Variants in LAT2 observed in about 807,000 individuals in gnomAD.
LAT2 encodes linker for activation of T cells family member 2, also known as linker for activation of T-cells family member 2.
Under a neutral mutation model 43.4 loss-of-function variants are expected in LAT2, and 23 were observed. The observed-to-expected ratio is 0.53, with a 90% CI of 0.38 to 0.75. The LOEUF (loss-of-function observed/expected upper bound fraction) is 0.75, where lower values mean the gene tolerates loss of function less well. LAT2 is among the 30% of genes least tolerant of loss of function. LAT2 has a pLI of 0.00. For synonymous variants in LAT2, 128 were observed against 123.2 expected (o/e 1.04, Z -0.26); for missense variants, 284 against 310.2 (o/e 0.92, Z 0.64).
At chr7:74,211,624 AT>A (rs1286580683) in intron 1 of LAT2, among the ~76,000 whole-genome samples, 1 of 151,782 alleles carries the variant, frequency 6.6e-6, no homozygotes, top group East Asian at 1.9e-4. Context: ...CGACCGGCTA[AT>A]TTTTTGTATT....
rs11544216 is a variant in LAT2, at chr7:74,219,746, G to C, written c.137G>C (p.Arg46Pro). Reference protein sequence around the residue: ...SEKIYQQRSLREDQQSFTGSR... With the variant: ...SEKIYQQRSLPEDQQSFTGSR... ...CAGCACAGCCCATGCATTTCCAGGC[G>C]TGAGGACCAACAGAGCTTTACGGGG... Residue 46 changes from arginine (R) to proline (P), a missense_variant and splice_region_variant, in exon 5 of 14, where the codon CGT becomes CCT. Coordinates refer to ENST00000460943, the MANE Select transcript of LAT2 (RefSeq NM_032464.3). 3 of 1,614,144 alleles carry C rather than the reference G, an allele frequency of 1.9e-6. No individual in the cohort carries two copies. The East Asian group carries it at 6.7e-5, about 36-fold the overall frequency.
intron 4 of LAT2, 111 bp downstream of exon 4, chr7:74,216,975 G>T: frequency 1.1e-6 from 1 of 917,428 alleles, no homozygotes; most frequent in Non-Finnish European, 1.8e-6. Context: ...CACCTCCTCC[G>T]TGCCAAGTTC....
intron 4 of LAT2, among the ~76,000 whole-genome samples, chr7:74,217,686 G>A (rs1030266403): frequency 6.6e-6 from 1 of 152,186 alleles, no homozygotes; most frequent in Non-Finnish European, 1.5e-5. Flanking sequence ...GGGAAGGGCA[G>A]TGGGTTCGAC....
At chr7:74,225,967 C>T (rs1314352766) in intron 13 of LAT2, 1 of 152,314 alleles carries the variant, frequency 6.6e-6, no homozygotes, top group Non-Finnish European at 1.5e-5. Flanking sequence ...ACAGCAAACC[C>T]CTGACCCCTT....
At chr7:74,222,832 C>G (rs1313608647) in intron 10 of LAT2, among the ~76,000 whole-genome samples, 1 of 152,202 alleles carries the variant, frequency 6.6e-6, no homozygotes, top group Non-Finnish European at 1.5e-5. Context: ...GCCTTGGCCT[C>G]CCAAAGTGCT....
In LAT2 at chr7:74,215,929, G is replaced by A. The variant is rs371683224; in HGVS notation, c.-29-18G>A. 191 of 1,574,422 alleles carry A rather than the reference G, an allele frequency of 1.2e-4. 1 individual carries two copies. The Middle Eastern group carries it at 2.2e-3, about 18-fold the overall frequency. ...CCTGAAAAAGGGGCCCCTTGCTCACGGGCACCTCCCATTTCAGCATCACAA... is the reference window on the plus strand; with the variant it reads ...CCTGAAAAAGGGGCCCCTTGCTCACAGGCACCTCCCATTTCAGCATCACAA... On this transcript the variant is annotated intron_variant, in intron 2 of 13. Coordinates refer to ENST00000460943, the MANE Select transcript of LAT2 (RefSeq NM_032464.3).
rs573100382 is a variant in LAT2 at position 74,222,821 on chromosome 7, C to T, written c.389-903C>T. 6.9e-3 allele frequency among the ~76,000 whole-genome samples: 1,051 copies of T among 152,214 alleles called. 9 individuals are homozygous for T. The highest frequency in any genetic ancestry group is 8.0e-3 in the Non-Finnish European group (545 of 68,002). ...AACTCCTGACCTCAGGTGATCCGCC[C>T]GCCTTGGCCTCCCAAAGTGCTGGGA... On this transcript the variant is annotated intron_variant, in intron 10 of 13. Transcript: ENST00000460943.
Position 74,220,122 on chromosome 7 carries a change from C to A in LAT2, c.228-95C>A. ...CGAGTCCCAGAGCTCCAGGGCTCAG[C>A]TATGAAGGCCCCACAAGGGGTATGG... On this transcript the variant is annotated intron_variant, in intron 6 of 13. Transcript: ENST00000460943. This position sits in a 1 kb window ranked among gnomAD's most constrained non-coding sequence, Gnocchi z 4.5. 6.4e-7 allele frequency: 1 copy of A among 1,561,360 alleles called. No homozygotes were observed. Among genetic ancestry groups the A allele is most frequent in the Non-Finnish European group, 8.7e-7 (1 of 1,143,884 alleles).
Position 74,220,504 on chromosome 7 carries a change from C to T in LAT2, c.266-80C>T. The T allele has an allele frequency of 1.3e-6, 2 of 1,572,704 alleles. No individual in the cohort carries two copies. The highest frequency in any genetic ancestry group is 1.7e-6 in the Non-Finnish European group (2 of 1,146,358). ...GGCTCAGACACGGGAAATAGCTGGC[C>T]CTGCCTTGGGCTGCAGCACCCGAGC... On this transcript the variant is annotated intron_variant, in intron 7 of 13. Transcript: ENST00000460943. The surrounding 1 kb of genome is among the most constrained non-coding windows in gnomAD (Gnocchi z 4.5).
intron 1 of LAT2, 29 bp from the exon 2 acceptor site, chr7:74,214,769 ATATATAAATATATATATATATATT>A (rs1801967008): frequency 3.8e-5 from 1 of 26,358 alleles, no homozygotes; most frequent in African/African-American, 1.5e-4. Context: ...ATAAACATAT[ATATATAAATATATATATATATATT>A]TTTTTTTTTT....
chr7:74,224,522 C>T (rs782398916), intron 12 of LAT2, 117 bp from the exon 13 acceptor site: 22 of 841,660 alleles, frequency 2.6e-5, no homozygotes, highest in Admixed American at 1.6e-4. Flanking sequence ...CAGGACCTGT[C>T]GGGCGTGGCA....
chr7:74,220,098 G>A lies in LAT2; in HGVS notation c.227+90G>A, dbSNP rs565486263. The A allele has an allele frequency of 1.2e-4, 189 of 1,566,080 alleles. No individual in the cohort carries two copies. The highest frequency in any genetic ancestry group is 2.9e-4 in the South Asian group (25 of 87,044). ...CAGGTCAAGACCTCCCTCCCTCCCC[G>A]AGTCCCAGAGCTCCAGGGCTCAGCT... On this transcript the variant is annotated intron_variant, in intron 6 of 13. Transcript: ENST00000460943. This position sits in a 1 kb window ranked among gnomAD's most constrained non-coding sequence, Gnocchi z 4.5.
rs1320611330 is a variant in LAT2 at position 74,225,009 on chromosome 7, C to T, written c.*18+249C>T. ...AGTGGGCACCGGGTGGGTCTCCCAA[C>T]TCCACTGCATCCTCCTGGCTGCGAC... On this transcript the variant is annotated intron_variant, in intron 13 of 13. Coordinates refer to ENST00000460943, the MANE Select transcript of LAT2 (RefSeq NM_032464.3). 2.3e-5 allele frequency: 8 copies of T among 349,464 alleles called. No homozygotes were observed. The East Asian group carries it at 4.7e-4, about 21-fold the overall frequency. 21.6% of individuals were successfully genotyped at this position (349,464 alleles called of 1,614,324 possible). A position where few individuals can be genotyped will look rare whatever the true frequency, so the allele number is the denominator to read the frequency against.
intron 9 of LAT2, among the ~76,000 whole-genome samples, 161 bp from the exon 10 acceptor site, chr7:74,221,476 A>G (rs1164375557): frequency 6.6e-6 from 1 of 150,446 alleles, no homozygotes; most frequent in East Asian, 1.9e-4. Flanking sequence ...GGTCCCAGGA[A>G]GTGGGGGTGG....
In LAT2 at chr7:74,211,309, C is replaced by G. The variant is rs545693662; in HGVS notation, c.-219+1221C>G. Among the ~76,000 whole-genome samples, 5 of 152,326 alleles carry G rather than the reference C, an allele frequency of 3.3e-5. No individual in the cohort carries two copies. The East Asian group carries it at 9.6e-4, about 29-fold the overall frequency. ...CAGAATTTTTTTAAACGGAGTCTCA[C>G]TCTGTTGTCCAGGCTGGAGTGCAGT... On this transcript the variant is annotated intron_variant, in intron 1 of 13. Transcript: ENST00000460943.
At chr7:74,219,867 G>A (rs990110632) in intron 5 of LAT2, 80 bp downstream of exon 5, 1 of 1,611,954 alleles carries the variant, frequency 6.2e-7, no homozygotes, top group African/African-American at 1.3e-5. Flanking sequence ...ATTGACCTGA[G>A]ACCGTGGCCA....
At chr7:74,216,246 G>A (rs1301955966) in intron 3 of LAT2, among the ~76,000 whole-genome samples, 177 bp downstream of exon 3, 2 of 152,122 alleles carry the variant, frequency 1.3e-5, no homozygotes, top group Non-Finnish European at 2.9e-5. Flanking sequence ...CGAGGGCTTT[G>A]GCTTTGCTGG....
chr7:74,216,560 C>T (rs781802807), intron 3 of LAT2, among the ~76,000 whole-genome samples: 8 of 152,044 alleles, frequency 5.3e-5, no homozygotes, highest in East Asian at 1.9e-4. Flanking sequence ...TTAGTAGAGA[C>T]GGGGTTTCCC....
At chr7:74,223,694 C>A (rs1554715617) in intron 10 of LAT2, 30 bp from the exon 11 acceptor site, 6 of 1,606,692 alleles carry the variant, frequency 3.7e-6, no homozygotes, top group East Asian at 4.5e-5. Context: ...TCTGCCCACA[C>A]CCCCGTGCCC....
Sources: allele counts gnomAD v4.1 joint callset (sites outside exome capture counted in the v4.1 genomes callset), GRCh38; gene constraint gnomAD v4.1.1; non-coding constraint Gnocchi (gnomAD v3.1); transcripts MANE v1.5; gene names NCBI Gene and HGNC (gene_info 2026-07-23, HGNC 2026-07-21).